The following PCSK2 variants were observed in gnomAD, a reference collection of about 807,000 sequenced individuals.
PCSK2 encodes the protein proprotein convertase subtilisin/kexin type 2.
A neutral mutation model predicts 69.7 loss-of-function variants in PCSK2; 14 were observed. The observed-to-expected ratio is 0.20, with a 90% CI of 0.13 to 0.31. The LOEUF (loss-of-function observed/expected upper bound fraction) is 0.31. Ranked by LOEUF, PCSK2 falls within the 10% of genes least tolerant of loss-of-function variation. PCSK2 has a pLI of 1.00. For missense variants in PCSK2, 544 were observed against 842.5 expected, an observed-to-expected ratio of 0.65 and a Z score of 4.39; for synonymous variants, 307 against 320.7, an observed-to-expected ratio of 0.96 and a Z score of 0.46.
intron 5 of PCSK2, among the ~76,000 whole-genome samples, chr20:17,405,071 C>T (rs567456576): frequency 2.9e-4 from 44 of 152,278 alleles, no homozygotes; most frequent in East Asian, 7.7e-4. Context: ...GCCCATACTG[C>T]GTGGGGCAAC....
intron 10 of PCSK2, among the ~76,000 whole-genome samples, chr20:17,462,586 G>A (rs186509467): frequency 6.6e-6 from 1 of 152,308 alleles, no homozygotes; most frequent in African/African-American, 2.4e-5. Flanking sequence ...TCAATACTGA[G>A]TTGTCCCTCT....
intron 2 of PCSK2, among the ~76,000 whole-genome samples, chr20:17,266,196 T>TG (rs1299306706): frequency 6.6e-6 from 1 of 152,218 alleles, no homozygotes. Context: ...CTCACTGTTC[T>TG]GCTCAATTTG....
intron 6 of PCSK2, among the ~76,000 whole-genome samples, chr20:17,414,193 T>G (rs924636324): frequency 2.6e-5 from 4 of 151,830 alleles, no homozygotes; most frequent in Non-Finnish European, 5.9e-5. Context: ...AGAGCAGAAC[T>G]GAAGGAGCTA....
intron 2 of PCSK2, among the ~76,000 whole-genome samples, chr20:17,347,167 C>G (rs1209734971): frequency 6.6e-6 from 1 of 152,176 alleles, no homozygotes; most frequent in East Asian, 1.9e-4. Flanking sequence ...CGTGGCTTAA[C>G]TTGGTATTCT....
At chr20:17,243,183 A>C (rs776906151) in intron 1 of PCSK2, among the ~76,000 whole-genome samples, 5 of 152,144 alleles carry the variant, frequency 3.3e-5, no homozygotes, top group African/African-American at 4.8e-5. Context: ...ATTTCCAATG[A>C]GTTGCTTCTT....
intron 6 of PCSK2, among the ~76,000 whole-genome samples, chr20:17,417,234 C>T (rs572673964): frequency 2.6e-5 from 4 of 152,140 alleles, no homozygotes; most frequent in African/African-American, 9.7e-5. Flanking sequence ...TTAAATATTT[C>T]ATTTGCAAAC....
At chr20:17,231,285 G>C (rs1986135822) in intron 1 of PCSK2, among the ~76,000 whole-genome samples, 1 of 152,116 alleles carries the variant, frequency 6.6e-6, no homozygotes, top group Admixed American at 6.5e-5. Context: ...TAATCATTAT[G>C]CTGCCAGGTA....
At chr20:17,242,322 C>T (rs1986610817) in intron 1 of PCSK2, among the ~76,000 whole-genome samples, 2 of 152,220 alleles carry the variant, frequency 1.3e-5, no homozygotes, top group Non-Finnish European at 2.9e-5. Flanking sequence ...TTCCACACAG[C>T]CTCTTACAAA....
At chr20:17,351,909 A>T (rs2030001341) in intron 2 of PCSK2, among the ~76,000 whole-genome samples, 1 of 152,194 alleles carries the variant, frequency 6.6e-6, no homozygotes, top group South Asian at 2.1e-4. Context: ...AAGTCAACTT[A>T]TATCTCTTCA....
intron 2 of PCSK2, among the ~76,000 whole-genome samples, chr20:17,262,915 C>T (rs1230844608): frequency 2.0e-5 from 3 of 152,134 alleles, no homozygotes; most frequent in Non-Finnish European, 1.5e-5. Context: ...GAACTGCTAA[C>T]GTTAACTACG....
chr20:17,423,838 C>A (rs909004913), intron 6 of PCSK2, among the ~76,000 whole-genome samples: 4 of 152,094 alleles, frequency 2.6e-5, no homozygotes, highest in African/African-American at 9.7e-5. Context: ...AAAAGAAAAT[C>A]TAAGCCAAAT....
chr20:17,333,509 A>G (rs1345301182), intron 2 of PCSK2, among the ~76,000 whole-genome samples: 1 of 152,150 alleles, frequency 6.6e-6, no homozygotes, highest in East Asian at 1.9e-4. Flanking sequence ...GTCACCAGGC[A>G]TGGAGCAGCA....
At chr20:17,374,977 C>T (rs1358512245) in intron 5 of PCSK2, among the ~76,000 whole-genome samples, 1 of 152,152 alleles carries the variant, frequency 6.6e-6, no homozygotes, top group Non-Finnish European at 1.5e-5. Flanking sequence ...ACTCCTGGCT[C>T]CCTACCTCAT....
intron 8 of PCSK2, among the ~76,000 whole-genome samples, chr20:17,442,017 CA>C (rs11483753): frequency 0.021 from 1,935 of 93,426 alleles, 41 homozygotes; most frequent in African/African-American, 0.081. Context: ...ATTTAAAAGA[CA>C]AAAAAAAAAA....
chr20:17,353,950 G>A (rs752982878), intron 2 of PCSK2, among the ~76,000 whole-genome samples: 15 of 152,062 alleles, frequency 9.9e-5, no homozygotes, highest in Non-Finnish European at 1.8e-4. Flanking sequence ...TAAACATTAG[G>A]TACACATGGG....
intron 2 of PCSK2, among the ~76,000 whole-genome samples, chr20:17,348,970 G>T (rs1048543509): frequency 6.6e-6 from 1 of 152,132 alleles, no homozygotes; most frequent in Non-Finnish European, 1.5e-5. Context: ...CTAACCATAG[G>T]ACCGTTAACC....
chr20:17,261,747 G>C (rs1272271640), intron 2 of PCSK2, among the ~76,000 whole-genome samples: 9 of 152,134 alleles, frequency 5.9e-5, no homozygotes, highest in Non-Finnish European at 1.2e-4. Flanking sequence ...GTGGGCACCA[G>C]TAGACAAAGA....
chr20:17,406,086 G>T (rs1171996833), intron 5 of PCSK2, among the ~76,000 whole-genome samples: 1 of 152,144 alleles, frequency 6.6e-6, no homozygotes, highest in Non-Finnish European at 1.5e-5. Flanking sequence ...GCAAGCCTCG[G>T]TGACCAGAAC....
At chr20:17,359,386 T>G (rs1003777375) in intron 3 of PCSK2, among the ~76,000 whole-genome samples, 33 of 152,154 alleles carry the variant, frequency 2.2e-4, no homozygotes, top group African/African-American at 7.5e-4. Flanking sequence ...CGGATCACAG[T>G]AGCTTATCAA....
Sources: gnomAD v4.1 joint callset for allele counts (sites outside exome capture counted in the v4.1 genomes callset) on GRCh38, gnomAD v4.1.1 for gene constraint, MANE v1.5 for transcripts, NCBI Gene and HGNC (gene_info 2026-07-23, HGNC 2026-07-21) for gene names.